The following ZNF133 variants were observed in gnomAD, a reference collection of about 807,000 sequenced individuals.
ZNF133 encodes zinc finger protein 133 (clone pHZ-13).
A neutral mutation model predicts 54.9 loss-of-function variants in ZNF133; 26 were observed. The ratio of observed to expected loss-of-function variants is 0.47; its 90% CI spans 0.35 to 0.66. The LOEUF (loss-of-function observed/expected upper bound fraction) is 0.66, where lower values mean the gene tolerates loss of function less well. ZNF133 is among the 30% of genes least tolerant of loss of function. The probability of loss-of-function intolerance (pLI) is 0.01; values close to 1 mark genes in which losing one functional copy is unlikely to be tolerated. For missense variants in ZNF133, 653 were observed against 820.8 expected, an observed-to-expected ratio of 0.80 and a Z score of 2.50; for synonymous variants, 298 against 320.3, an observed-to-expected ratio of 0.93 and a Z score of 0.74.
chr20:18,297,196 A>T (rs1374866273), intron 1 of ZNF133, among the ~76,000 whole-genome samples: 1 of 151,686 alleles, frequency 6.6e-6, no homozygotes, highest in Non-Finnish European at 1.5e-5. Context: ...TTTCTCTCTG[A>T]TCCTTTTTAC....
At chr20:18,292,397 C>A (rs1436592811) in intron 1 of ZNF133, among the ~76,000 whole-genome samples, 1 of 152,184 alleles carries the variant, frequency 6.6e-6, no homozygotes, top group Non-Finnish European at 1.5e-5. Flanking sequence ...CACTCCACAC[C>A]AGCCACAGTG....
chr20:18,309,817 G>C (rs1044387945), intron 6 of ZNF133, among the ~76,000 whole-genome samples: 1 of 152,214 alleles, frequency 6.6e-6, no homozygotes, highest in Non-Finnish European at 1.5e-5. Flanking sequence ...TGTAATGCTT[G>C]AGATATGAAA....
At chr20:18,309,869 C>A (rs1235647627) in intron 6 of ZNF133, among the ~76,000 whole-genome samples, 1 of 152,178 alleles carries the variant, frequency 6.6e-6, no homozygotes, top group African/African-American at 2.4e-5. Context: ...TTACAAAAAT[C>A]TTCCTCTCAA....
At chr20:18,307,907 T>C (rs1408957266) in intron 6 of ZNF133, among the ~76,000 whole-genome samples, 3 of 152,210 alleles carry the variant, frequency 2.0e-5, no homozygotes, top group Non-Finnish European at 2.9e-5. Context: ...AATTTTACTT[T>C]ATCTTCTTTA....
intron 6 of ZNF133, among the ~76,000 whole-genome samples, chr20:18,308,942 C>G (rs1247825937): frequency 2.0e-5 from 3 of 152,180 alleles, no homozygotes; most frequent in Non-Finnish European, 4.4e-5. Context: ...GACTAGCTGG[C>G]TTAAACAACA....
At chr20:18,306,978 CT>C (rs2044773633) in intron 6 of ZNF133, among the ~76,000 whole-genome samples, 1 of 152,100 alleles carries the variant, frequency 6.6e-6, no homozygotes, top group Admixed American at 6.6e-5. Context: ...ATAGCCTTAA[CT>C]TTTTATATTC....
At chr20:18,289,714 G>A (rs73253785) in intron 1 of ZNF133, among the ~76,000 whole-genome samples, 2 of 152,176 alleles carry the variant, frequency 1.3e-5, no homozygotes, top group Non-Finnish European at 2.9e-5. Flanking sequence ...TACAGTGGCT[G>A]TAACAGTCTC....
intron 1 of ZNF133, among the ~76,000 whole-genome samples, chr20:18,293,177 A>G (rs1207118799): frequency 6.6e-6 from 1 of 152,234 alleles, no homozygotes; most frequent in African/African-American, 2.4e-5. Context: ...GAGAGCAACT[A>G]TGTTTTAATC....
intron 3 of ZNF133, among the ~76,000 whole-genome samples, chr20:18,302,632 G>T (rs1384782367): frequency 6.6e-6 from 1 of 152,168 alleles, no homozygotes; most frequent in Non-Finnish European, 1.5e-5. Context: ...TCAGCAATAA[G>T]GCAGCAATGC....
Position 18,305,184 on chromosome 20 carries a change from A to T in ZNF133, c.-7+6A>T, listed in dbSNP as rs1352060551. The T allele has an allele frequency of 2.0e-6, 2 of 989,576 alleles. No homozygotes were observed. Among genetic ancestry groups the T allele is most frequent in the African/African-American group, 3.5e-5 (2 of 57,236 alleles). The allele number at this position is 989,576 out of a possible 1,614,324, so 61.3% of individuals were successfully genotyped here. Reference sequence around the variant, plus strand: ...CTGTTTTCTACATTTCACAGGTAAGAAAACTGGGATACTAGTTGGTGGCAG... The same window carrying T: ...CTGTTTTCTACATTTCACAGGTAAGTAAACTGGGATACTAGTTGGTGGCAG... On this transcript the variant is annotated splice_donor_region_variant and intron_variant, in intron 4 of 6. Coordinates refer to ENST00000425686, the MANE Select transcript of ZNF133 (RefSeq NM_001352452.2). The surrounding 1 kb of genome is among the most constrained non-coding windows in gnomAD (Gnocchi z 4.7).
Position 18,294,321 on chromosome 20 carries a change from G to A in ZNF133, c.-431-3664G>A, listed in dbSNP as rs891073113. 7.9e-5 allele frequency among the ~76,000 whole-genome samples: 12 copies of A among 152,298 alleles called. No homozygotes were observed. The East Asian group carries it at 1.5e-3, about 20-fold the overall frequency. On this transcript the variant is annotated intron_variant, in intron 1 of 6. Coordinates refer to ENST00000425686, the MANE Select transcript of ZNF133 (RefSeq NM_001352452.2). ...GATACCCTTCAAAAGCGCCAAGTTC[G>A]TGAAAGATGAGAAAAGACAGAGGAT...
chr20:18,308,835 G>A (rs1331777572), intron 6 of ZNF133, among the ~76,000 whole-genome samples: 2 of 152,190 alleles, frequency 1.3e-5, no homozygotes, highest in African/African-American at 4.8e-5. Context: ...CAGATGAGTA[G>A]GTGTTTTACT....
chr20:18,302,666 C>T (rs989773351), intron 3 of ZNF133, among the ~76,000 whole-genome samples: 2 of 152,154 alleles, frequency 1.3e-5, no homozygotes, highest in Non-Finnish European at 2.9e-5. Context: ...TTATAGCCAA[C>T]AGAGTATTGG....
intron 6 of ZNF133, chr20:18,306,776 A>C: frequency 6.9e-6 from 9 of 1,304,060 alleles, no homozygotes; most frequent in Non-Finnish European, 9.0e-6. Flanking sequence ...AGAAATCTAA[A>C]AAGCCAATAG....
At chr20:18,292,420 C>T (rs1274945721) in intron 1 of ZNF133, among the ~76,000 whole-genome samples, 2 of 152,192 alleles carry the variant, frequency 1.3e-5, no homozygotes, top group African/African-American at 2.4e-5. Context: ...CTGTCCGTCC[C>T]TTGGCCATGC....
At position 18,305,862 on chromosome 20, in the gene ZNF133, T is replaced by G; in HGVS notation, c.121+55T>G. Reference sequence around the variant, plus strand: ...TCTTATTGCTGGGAATTTTAGGCTATGCTTGAAGCAGCCATCTTGCTTTGT... The same window carrying G: ...TCTTATTGCTGGGAATTTTAGGCTAGGCTTGAAGCAGCCATCTTGCTTTGT... On this transcript the variant is annotated intron_variant, in intron 5 of 6. Coordinates refer to ENST00000425686, the MANE Select transcript of ZNF133 (RefSeq NM_001352452.2). This position sits in a 1 kb window ranked among gnomAD's most constrained non-coding sequence, Gnocchi z 4.7. 1 of 1,564,502 alleles carries G rather than the reference T, an allele frequency of 6.4e-7. No homozygotes were observed. Among genetic ancestry groups the G allele is most frequent in the African/African-American group, 1.4e-5 (1 of 73,170 alleles).
At chr20:18,291,928 T>C (rs565537240) in intron 1 of ZNF133, among the ~76,000 whole-genome samples, 45 of 152,176 alleles carry the variant, frequency 3.0e-4, no homozygotes, top group Non-Finnish European at 5.1e-4. Context: ...TCTGATTACC[T>C]TCCCTGAACA....
chr20:18,305,703 T>C lies in ZNF133; in HGVS notation c.17T>C (p.Val6Ala). The change falls in exon 5 of 7, where the codon GTG becomes GCG. Residue 6 changes from valine to alanine, a missense_variant. By Grantham distance (64) the Val-to-Ala change is moderately conservative. Transcript: ENST00000425686. The surrounding 1 kb of genome is among the most constrained non-coding windows in gnomAD (Gnocchi z 4.7). ...CAGGCACACATGGCATTCAGGGATG[T>C]GGCTGTGGATTTCACCCAGGATGAG... MAFRD[V>A]AVDFTQDEWR... 1 of 1,614,188 alleles carries C rather than the reference T, an allele frequency of 6.2e-7. No individual in the cohort carries two copies. The highest frequency in any genetic ancestry group is 8.5e-7 in the Non-Finnish European group (1 of 1,180,030).
chr20:18,310,230 A>C (rs2045563992), intron 6 of ZNF133: 1 of 1,522,360 alleles, frequency 6.6e-7, no homozygotes, highest in South Asian at 1.2e-5. Context: ...CAATCCAAGG[A>C]GCAAGTCATT....
Sources: allele counts gnomAD v4.1 joint callset (sites outside exome capture counted in the v4.1 genomes callset), GRCh38; gene constraint gnomAD v4.1.1; non-coding constraint Gnocchi (gnomAD v3.1); transcripts MANE v1.5; gene names NCBI Gene and HGNC (gene_info 2026-07-23, HGNC 2026-07-21).